FBXL17: variants seen among roughly 807,000 people sequenced by gnomAD.
FBXL17 encodes F-box/LRR-repeat protein 17.
In FBXL17, 22 loss-of-function variants were observed where a neutral mutation model predicts 66.2. That is an observed-to-expected ratio of 0.33 (90% CI 0.24 to 0.47). The LOEUF is 0.47. FBXL17 is among the 20% of genes least tolerant of loss of function. FBXL17 has a pLI of 1.00. For missense variants in FBXL17, 878 were observed against 948.2 expected (o/e 0.93, Z 0.97); for synonymous variants, 474 against 400.5 (o/e 1.18, Z -2.19).
At position 107,980,664 on chromosome 5, in the gene FBXL17, A is replaced by ATATTTTTTTT; in HGVS notation, c.1822+40260_1822+40261insAAAAAAAATA. 3.9e-4 allele frequency among the ~76,000 whole-genome samples: 24 copies of ATATTTTTTTT among 62,074 alleles called. 4 individuals carry two copies. The East Asian group carries it at 0.015, about 38-fold the overall frequency. The allele number at this position is 62,074 out of a possible 152,430, so 40.7% of individuals were successfully genotyped here. On this transcript the variant is annotated intron_variant, in intron 7 of 8. Transcript: ENST00000542267. ...TAAAATAATATATATATATATATAT[A>ATATTTTTTTT]TTTTTTTTTTGAGATGGAGTCTTGC...
chr5:108,153,639 G>A (rs530116405), intron 6 of FBXL17, among the ~76,000 whole-genome samples: 1 of 152,060 alleles, frequency 6.6e-6, no homozygotes, highest in South Asian at 2.1e-4. Flanking sequence ...CTTGGTCCAT[G>A]GACAATAACA....
chr5:108,348,360 A>G (rs769735546), intron 4 of FBXL17, 39 bp downstream of exon 4: 16 of 1,495,716 alleles, frequency 1.1e-5, no homozygotes, highest in Middle Eastern at 3.6e-4. Context: ...GAAGGTTAGG[A>G]ACAAAATGAA....
intron 6 of FBXL17, among the ~76,000 whole-genome samples, chr5:108,077,585 C>T (rs1196537992): frequency 6.6e-6 from 1 of 151,698 alleles, no homozygotes; most frequent in East Asian, 1.9e-4. Context: ...ATCCCTTGAG[C>T]CCAGGAGGTT....
intron 6 of FBXL17, among the ~76,000 whole-genome samples, chr5:108,124,495 T>G (rs560285824): frequency 6.6e-6 from 1 of 152,044 alleles, no homozygotes; most frequent in South Asian, 2.1e-4. Flanking sequence ...AATTCAAGAA[T>G]TTTAAAGAAC....
chr5:108,157,473 C>G (rs1752039162), intron 6 of FBXL17, among the ~76,000 whole-genome samples: 2 of 151,262 alleles, frequency 1.3e-5, no homozygotes, highest in South Asian at 4.2e-4. Context: ...TAGGAAAACT[C>G]ACAAATAAAA....
At chr5:108,202,028 G>C (rs2150050135) in intron 5 of FBXL17, among the ~76,000 whole-genome samples, 1 of 152,014 alleles carries the variant, frequency 6.6e-6, no homozygotes, top group South Asian at 2.1e-4. Flanking sequence ...AGTGGACTGA[G>C]GATAATATAA....
chr5:108,274,895 C>T (rs1435153159), intron 4 of FBXL17, among the ~76,000 whole-genome samples: 3 of 151,990 alleles, frequency 2.0e-5, no homozygotes, highest in Non-Finnish European at 4.4e-5. Flanking sequence ...AAACAGAACC[C>T]CAAGTGTAAG....
intron 4 of FBXL17, among the ~76,000 whole-genome samples, chr5:108,230,460 T>G (rs1053868171): frequency 6.6e-6 from 1 of 152,150 alleles, no homozygotes; most frequent in African/African-American, 2.4e-5. Context: ...CTAAGTGAAG[T>G]AACTCAGGAA....
chr5:108,215,888 G>T (rs1754579502), intron 5 of FBXL17, among the ~76,000 whole-genome samples: 1 of 152,070 alleles, frequency 6.6e-6, no homozygotes, highest in Non-Finnish European at 1.5e-5. Context: ...ATGGTCTGAG[G>T]TAGAGGTCTA....
rs1404743631 is a variant in FBXL17, at chr5:108,012,439, T to C, written c.1822+8486A>G. Among the ~76,000 whole-genome samples, 3 of 152,284 alleles carry C rather than the reference T, an allele frequency of 2.0e-5. No homozygotes were observed. In the East Asian group the frequency reaches 5.8e-4, roughly 29 times the overall value. On this transcript the variant is annotated intron_variant, in intron 7 of 8. Transcript: ENST00000542267. The stretch of plus-strand genomic sequence containing the variant: ...AAACCTATTAAGTTCTAGAAGAATA[T>C]AATTAGATCTCATGGGGTAGCGCTT...
intron 6 of FBXL17, among the ~76,000 whole-genome samples, chr5:108,065,657 C>T (rs1031039953): frequency 3.3e-5 from 5 of 152,084 alleles, no homozygotes; most frequent in African/African-American, 9.7e-5. Flanking sequence ...CCATCAGTCA[C>T]ATGGAGTATA....
At chr5:108,049,676 C>G (rs1271600544) in intron 6 of FBXL17, among the ~76,000 whole-genome samples, 1 of 152,146 alleles carries the variant, frequency 6.6e-6, no homozygotes, top group South Asian at 2.1e-4. Flanking sequence ...GAAACTGCAT[C>G]AACTAGTGTG....
intron 4 of FBXL17, among the ~76,000 whole-genome samples, chr5:108,250,230 C>T (rs1225136336): frequency 6.6e-6 from 1 of 152,014 alleles, no homozygotes; most frequent in Admixed American, 6.6e-5. Context: ...TGAATGGGGC[C>T]AACGTCTCTT....
chr5:108,072,135 T>C (rs1190547390), intron 6 of FBXL17, among the ~76,000 whole-genome samples: 3 of 152,176 alleles, frequency 2.0e-5, no homozygotes, highest in African/African-American at 7.2e-5. Context: ...AGCACTGATC[T>C]TTGCTCTTAT....
intron 4 of FBXL17, among the ~76,000 whole-genome samples, chr5:108,290,874 T>C (rs1758082931): frequency 6.6e-6 from 1 of 152,328 alleles, no homozygotes; most frequent in Non-Finnish European, 1.5e-5. Flanking sequence ...GGTGATTCAA[T>C]TAATGCTAAT....
At chr5:108,377,355 A>G (rs10077527) in intron 1 of FBXL17, among the ~76,000 whole-genome samples, 1 of 152,122 alleles carries the variant, frequency 6.6e-6, no homozygotes, top group Non-Finnish European at 1.5e-5. Context: ...CCCAACTGGC[A>G]CTACAACCTT....
At chr5:108,087,683 C>A (rs1749024041) in intron 6 of FBXL17, among the ~76,000 whole-genome samples, 2 of 152,008 alleles carry the variant, frequency 1.3e-5, no homozygotes, top group Admixed American at 6.6e-5. Flanking sequence ...AACACACTTT[C>A]ACATTATAAA....
intron 7 of FBXL17, among the ~76,000 whole-genome samples, chr5:107,990,219 C>T (rs1214686822): frequency 3.3e-5 from 5 of 152,282 alleles, no homozygotes; most frequent in East Asian, 1.9e-4. Context: ...CTGGGGCTAT[C>T]GCCCTAGGGA....
chr5:107,872,948 T>C (rs992965221), intron 8 of FBXL17, among the ~76,000 whole-genome samples: 1 of 152,190 alleles, frequency 6.6e-6, no homozygotes, highest in Non-Finnish European at 1.5e-5. Context: ...GGTTACCATA[T>C]GGATGCTGCT....
Sources: gnomAD v4.1 joint callset for allele counts (sites outside exome capture counted in the v4.1 genomes callset) on GRCh38, gnomAD v4.1.1 for gene constraint, MANE v1.5 for transcripts, NCBI Gene and HGNC (gene_info 2026-07-23, HGNC 2026-07-21) for gene names.